L3MBTL4: variants seen among roughly 807,000 people sequenced by gnomAD.
The protein encoded by L3MBTL4 is L3MBTL histone methyl-lysine binding protein 4.
A neutral mutation model predicts 84.5 loss-of-function variants in L3MBTL4; 70 were observed. That is an observed-to-expected ratio of 0.83 (90% CI 0.68 to 1.01). L3MBTL4 has a LOEUF of 1.01. Ranked by LOEUF, L3MBTL4 falls within the 50% of genes least tolerant of loss-of-function variation. The pLI is 0.00. For missense variants in L3MBTL4, 715 were observed against 754.8 expected, an observed-to-expected ratio of 0.95 and a Z score of 0.62; for synonymous variants, 274 against 259.8, an observed-to-expected ratio of 1.05 and a Z score of -0.52.
intron 1 of L3MBTL4, among the ~76,000 whole-genome samples, chr18:6,354,644 G>A (rs1008326484): frequency 2.6e-4 from 39 of 152,128 alleles, no homozygotes; most frequent in Non-Finnish European, 4.4e-5. Flanking sequence ...TTTCTCAAAA[G>A]AAGACATACA....
At chr18:6,347,049 A>AT (rs1296876226) in intron 1 of L3MBTL4, among the ~76,000 whole-genome samples, 1 of 152,162 alleles carries the variant, frequency 6.6e-6, no homozygotes, top group Non-Finnish European at 1.5e-5. Flanking sequence ...TCCAGAGGGC[A>AT]TTACATAAAG....
intron 17 of L3MBTL4, among the ~76,000 whole-genome samples, chr18:5,963,986 C>T (rs1598297913): frequency 6.6e-6 from 1 of 152,340 alleles, no homozygotes; most frequent in East Asian, 1.9e-4. Context: ...GGTGATCATG[C>T]TGTTGGAGCC....
chr18:6,303,575 A>G (rs189599182), intron 3 of L3MBTL4, among the ~76,000 whole-genome samples: 8 of 152,306 alleles, frequency 5.3e-5, no homozygotes, highest in African/African-American at 1.9e-4. Flanking sequence ...TTATTCTTAT[A>G]TAGTTTTGGG....
intron 13 of L3MBTL4, among the ~76,000 whole-genome samples, chr18:6,168,929 T>C (rs2043821917): frequency 6.6e-6 from 1 of 152,158 alleles, no homozygotes. Flanking sequence ...AACCTACTCA[T>C]CTGACAAAGG....
chr18:6,293,391 C>G (rs1555718839), intron 4 of L3MBTL4, among the ~76,000 whole-genome samples: 2 of 151,882 alleles, frequency 1.3e-5, no homozygotes, highest in Non-Finnish European at 2.9e-5. Context: ...ATAATAGAAA[C>G]AATCAAAAGG....
intron 5 of L3MBTL4, among the ~76,000 whole-genome samples, chr18:6,248,767 T>C (rs920382349): frequency 6.6e-6 from 1 of 152,214 alleles, no homozygotes; most frequent in Non-Finnish European, 1.5e-5. Context: ...TTCCCAACTA[T>C]TACACGTACT....
intron 12 of L3MBTL4, among the ~76,000 whole-genome samples, chr18:6,196,320 T>A (rs113134961): frequency 6.6e-6 from 1 of 151,636 alleles, no homozygotes; most frequent in East Asian, 1.9e-4. Flanking sequence ...ACCACGCCCG[T>A]CTAATTTTTT....
At chr18:6,002,802 A>G (rs2054270699) in intron 16 of L3MBTL4, among the ~76,000 whole-genome samples, 1 of 152,004 alleles carries the variant, frequency 6.6e-6, no homozygotes, top group African/African-American at 2.4e-5. Flanking sequence ...TATGGTATAT[A>G]GAAAACAAAC....
intron 10 of L3MBTL4, among the ~76,000 whole-genome samples, chr18:6,221,481 A>C (rs1371911767): frequency 1.3e-5 from 2 of 149,560 alleles, no homozygotes; most frequent in Non-Finnish European, 2.9e-5. Context: ...ACACTTCATC[A>C]AACTCAATTC....
intron 17 of L3MBTL4, among the ~76,000 whole-genome samples, chr18:5,961,818 T>C (rs1337692658): frequency 6.6e-6 from 1 of 152,194 alleles, no homozygotes; most frequent in Non-Finnish European, 1.5e-5. Flanking sequence ...GTAGAGCACG[T>C]GCTCAGTATT....
intron 13 of L3MBTL4, among the ~76,000 whole-genome samples, chr18:6,159,617 T>C (rs1598947183): frequency 1.3e-5 from 2 of 152,352 alleles, no homozygotes. Context: ...CCCAGCTTAA[T>C]CTGACGCGAT....
In L3MBTL4 at chr18:6,200,255, AT is replaced by A. The variant is rs1351931272; in HGVS notation, c.981+12893del. Among the ~76,000 whole-genome samples the A allele has an allele frequency of 2.6e-5, 4 of 152,220 alleles. No individual in the cohort carries two copies. In the South Asian group the frequency reaches 6.2e-4, roughly 24 times the overall value. ...TTGTATATCAATTTGGGGCTTTGGGATTTTTCATGTATTAAAATACACCATG... is the reference window on the plus strand; with the variant it reads ...TTGTATATCAATTTGGGGCTTTGGGATTTTCATGTATTAAAATACACCATG... On this transcript the variant is annotated intron_variant, in intron 12 of 18. Transcript: ENST00000317931.
intron 12 of L3MBTL4, among the ~76,000 whole-genome samples, chr18:6,177,383 C>T (rs1012815259): frequency 6.6e-6 from 1 of 152,140 alleles, no homozygotes. Flanking sequence ...TGCTGCATGA[C>T]CCCACTGATA....
chr18:6,372,922 A>G (rs1414000991), intron 1 of L3MBTL4, among the ~76,000 whole-genome samples: 1 of 152,258 alleles, frequency 6.6e-6, no homozygotes, highest in Non-Finnish European at 1.5e-5. Context: ...TAAATTCAGT[A>G]TCCTCTTGAA....
At chr18:5,995,632 G>T (rs1300264815) in intron 16 of L3MBTL4, among the ~76,000 whole-genome samples, 2 of 152,150 alleles carry the variant, frequency 1.3e-5, no homozygotes, top group Admixed American at 1.3e-4. Flanking sequence ...TCGCACTTCT[G>T]GAGAGACAGA....
At chr18:6,248,261 C>T (rs1010576649) in intron 5 of L3MBTL4, among the ~76,000 whole-genome samples, 1 of 152,052 alleles carries the variant, frequency 6.6e-6, no homozygotes, top group Non-Finnish European at 1.5e-5. Context: ...AATAAGAAAA[C>T]CTATTTTAAA....
chr18:6,056,741 T>C (rs767068089), intron 16 of L3MBTL4, among the ~76,000 whole-genome samples: 1 of 152,032 alleles, frequency 6.6e-6, no homozygotes, highest in African/African-American at 2.4e-5. Context: ...GATGAAATGG[T>C]AGGCCATGGG....
chr18:6,035,765 T>A (rs575810872), intron 16 of L3MBTL4, among the ~76,000 whole-genome samples: 11 of 152,310 alleles, frequency 7.2e-5, no homozygotes, highest in Non-Finnish European at 5.9e-5. Context: ...ACGATATTGA[T>A]TCTTCCTACC....
At chr18:6,042,224 G>C (rs1387463344) in intron 16 of L3MBTL4, among the ~76,000 whole-genome samples, 2 of 152,014 alleles carry the variant, frequency 1.3e-5, no homozygotes, top group Non-Finnish European at 2.9e-5. Context: ...CCCATCTCTT[G>C]AGTTGTCTCA....
Sources: allele counts gnomAD v4.1 joint callset (sites outside exome capture counted in the v4.1 genomes callset), GRCh38; gene constraint gnomAD v4.1.1; transcripts MANE v1.5; gene names NCBI Gene and HGNC (gene_info 2026-07-23, HGNC 2026-07-21).